SHKBP1: variants seen among roughly 807,000 people sequenced by gnomAD.
The protein encoded by SHKBP1 is SH3KBP1 binding protein 1.
In SHKBP1, 71 loss-of-function variants were observed where a neutral mutation model predicts 83.9. That is an observed-to-expected ratio of 0.85 (90% confidence interval 0.70 to 1.03). SHKBP1 has a LOEUF of 1.03. SHKBP1 is among the 50% of genes least tolerant of loss of function. The probability of loss-of-function intolerance (pLI) is 0.00; values close to 1 mark genes in which losing one functional copy is unlikely to be tolerated. For synonymous variants in SHKBP1, 371 were observed against 398.0 expected (o/e 0.93, Z 0.81); for missense variants, 824 against 982.4 (o/e 0.84, Z 2.16).
Position 40,583,685 on chromosome 19 carries a change from C to T in SHKBP1, c.1133C>T (p.Thr378Ile). ...CGGGACCCAGCGGAGGATGGGGTCACCGCCCTCAGTGTCTACCTCACCCCC... is the reference window on the plus strand; with the variant it reads ...CGGGACCCAGCGGAGGATGGGGTCATCGCCCTCAGTGTCTACCTCACCCCC... ...LYRDPAEDGV[T>I]ALSVYLTPKT... is the part of the protein sequence containing the mutation. The change falls in exon 12 of 18, where the codon ACC (threonine) becomes ATC (isoleucine). Residue 378 changes from threonine to isoleucine, a missense_variant. By Grantham distance (89) the Thr-to-Ile change is moderately conservative. Transcript: ENST00000291842. 1 of 1,613,966 alleles carries T rather than the reference C, an allele frequency of 6.2e-7. No homozygotes were observed. Among genetic ancestry groups the T allele is most frequent in the South Asian group, 1.1e-5 (1 of 91,076 alleles).
At position 40,590,099 on chromosome 19, in the gene SHKBP1, G is replaced by T; in HGVS notation, c.1590-145G>T. The T allele has an allele frequency of 1.1e-6, 1 of 904,408 alleles. No homozygotes were observed. The highest frequency in any genetic ancestry group is 1.6e-6 in the Non-Finnish European group (1 of 618,048). The allele number at this position is 904,408 out of a possible 1,614,324, so 56.0% of individuals were successfully genotyped here. On this transcript the variant is annotated intron_variant, in intron 15 of 17. Coordinates refer to ENST00000291842, the MANE Select transcript of SHKBP1 (RefSeq NM_138392.4). The surrounding 1 kb of genome is among the most constrained non-coding windows in gnomAD (Gnocchi z 4.6). ...GGTGTCCAAGAGCTGCTGGACCCTT[G>T]GGACTGGAACTCAAAAGCAGGCTAG...
At chr19:40,588,939 C>G (rs1470407014) in intron 14 of SHKBP1, 143 bp from the exon 15 acceptor site, 2 of 1,259,356 alleles carry the variant, frequency 1.6e-6, no homozygotes, top group African/African-American at 2.9e-5. Context: ...GCCACAACCC[C>G]CCAGCCCTCT....
intron 13 of SHKBP1, among the ~76,000 whole-genome samples, chr19:40,587,853 A>G (rs1010116493): frequency 6.6e-6 from 1 of 151,698 alleles, no homozygotes; most frequent in Non-Finnish European, 1.5e-5. Context: ...GCAATCAGCT[A>G]TGATTGCACC....
chr19:40,582,702 T>G (rs1325186092), intron 10 of SHKBP1, among the ~76,000 whole-genome samples: 1 of 149,492 alleles, frequency 6.7e-6, no homozygotes, highest in Non-Finnish European at 1.5e-5. Context: ...TGAAAAGGAG[T>G]AGGGAGGATT....
At chr19:40,577,070 C>T in intron 1 of SHKBP1, 85 bp downstream of exon 1, 1 of 1,295,306 alleles carries the variant, frequency 7.7e-7, no homozygotes, top group Non-Finnish European at 1.1e-6. Flanking sequence ...GAATCCCTGT[C>T]CATCAAGGGT....
In SHKBP1 at chr19:40,584,133, G is replaced by A. The variant is rs559566698; in HGVS notation, c.1165+416G>A. ...TGGGATTACAGACGTGAGCCACCGC[G>A]CCCAGCCAGATTCAACTCTCATCCA... On this transcript the variant is annotated intron_variant, in intron 12 of 17. Coordinates refer to ENST00000291842, the MANE Select transcript of SHKBP1 (RefSeq NM_138392.4). Among the ~76,000 whole-genome samples the A allele has an allele frequency of 3.9e-5, 6 of 152,166 alleles. No homozygotes were observed. In the South Asian group the frequency reaches 8.3e-4, roughly 21 times the overall value.
chr19:40,583,713 G>A lies in SHKBP1; in HGVS notation c.1161G>A (p.Lys387=). The change falls in exon 12 of 18, where the codon AAG becomes AAA. Residue 387 remains lysine, a synonymous_variant. Coordinates refer to ENST00000291842, the MANE Select transcript of SHKBP1 (RefSeq NM_138392.4). ...CCCTCAGTGTCTACCTCACCCCCAA[G>A]ACCAGTAAGCTATGACCCGGCTTCC... ...VTALSVYLTP[K]TSDSGNWIEI... is the part of the protein sequence containing the mutation. The A allele has an allele frequency of 6.2e-7, 1 of 1,613,248 alleles. No individual in the cohort carries two copies. The highest frequency in any genetic ancestry group is 8.5e-7 in the Non-Finnish European group (1 of 1,179,300).
In SHKBP1 at chr19:40,590,261, C is replaced by T. The variant is rs1162447649; in HGVS notation, c.1607C>T (p.Ser536Phe). 1 of 1,599,322 alleles carries T rather than the reference C, an allele frequency of 6.3e-7. No homozygotes were observed. Among genetic ancestry groups the T allele is most frequent in the Non-Finnish European group, 8.5e-7 (1 of 1,174,258 alleles). Reference sequence around the variant, plus strand: ...CCCCCCAGGGTGTGCTCCGTGCGCTCCGTGGACGGCTCACCCACGACAGCC... The same window carrying T: ...CCCCCCAGGGTGTGCTCCGTGCGCTTCGTGGACGGCTCACCCACGACAGCC... The part of the protein sequence containing the change: ...STGQRVCSVR[S>F]VDGSPTTAFT... Residue 536 changes from serine to phenylalanine, a missense_variant, in exon 16 of 18, where the codon TCC becomes TTC. By Grantham distance (155) the Ser-to-Phe change is radical. Transcript: ENST00000291842. The surrounding 1 kb of genome is among the most constrained non-coding windows in gnomAD (Gnocchi z 4.6).
intron 10 of SHKBP1, 139 bp from the exon 11 acceptor site, chr19:40,583,259 A>G: frequency 1.6e-6 from 1 of 638,122 alleles, no homozygotes; most frequent in Non-Finnish European, 2.7e-6. Flanking sequence ...GGACAAAGGC[A>G]GGCCTGGGGT....
chr19:40,578,624 T>G, intron 6 of SHKBP1, 82 bp downstream of exon 6: 1 of 1,271,212 alleles, frequency 7.9e-7, no homozygotes, highest in Non-Finnish European at 1.1e-6. Flanking sequence ...CTCGGGTGCC[T>G]GTGCTGTGCG....
chr19:40,577,017 T>C, intron 1 of SHKBP1, 32 bp downstream of exon 1: 1 of 1,420,956 alleles, frequency 7.0e-7, no homozygotes, highest in Non-Finnish European at 9.5e-7. Flanking sequence ...GGTCCCATCC[T>C]CGGGGGCGGG....
intron 9 of SHKBP1, 135 bp downstream of exon 9, chr19:40,581,071 C>A: frequency 2.3e-6 from 2 of 856,746 alleles, no homozygotes; most frequent in Non-Finnish European, 3.3e-6. Flanking sequence ...TTAGAATGCT[C>A]CAGCCCTTCA....
At chr19:40,580,302 C>G in intron 6 of SHKBP1, 22 bp from the exon 7 acceptor site, 1 of 1,601,074 alleles carries the variant, frequency 6.2e-7, no homozygotes, top group Non-Finnish European at 8.5e-7. Context: ...GACTGTTACT[C>G]TACCTCTTAT....
Position 40,583,585 on chromosome 19 carries a change from T to G in SHKBP1, c.1049-16T>G. 143 of 885,338 alleles carry G rather than the reference T, an allele frequency of 1.6e-4. No individual in the cohort carries two copies. Among genetic ancestry groups the G allele is most frequent in the Non-Finnish European group, 2.3e-4 (129 of 563,946 alleles). 54.8% of individuals were successfully genotyped at this position (885,338 alleles called of 1,614,324 possible). A position where few individuals can be genotyped will look rare whatever the true frequency, so the allele number is the denominator to read the frequency against. Reference sequence around the variant, plus strand: ...CACTTGGAACAAACCCGCTCCACCCTCCCTGCCCACCCCAGATGTGCAGAA... The same window carrying G: ...CACTTGGAACAAACCCGCTCCACCCGCCCTGCCCACCCCAGATGTGCAGAA... On this transcript the variant is annotated splice_polypyrimidine_tract_variant and intron_variant, in intron 11 of 17. Transcript: ENST00000291842.
rs775700990 is a variant in SHKBP1, at chr19:40,577,275, T to C, written c.131T>C (p.Phe44Ser). Residue 44 changes from phenylalanine (F) to serine (S), a missense_variant, in exon 2 of 18, where the codon TTC (phenylalanine) becomes TCC (serine). Phe to Ser is a radical substitution (Grantham distance 155, BLOSUM62 -2). Coordinates refer to ENST00000291842, the MANE Select transcript of SHKBP1 (RefSeq NM_138392.4). Reference protein sequence around the residue: ...RQTLTWIPDSFFSSLLSGRIS... With the variant: ...RQTLTWIPDSSFSSLLSGRIS... ...ACTCTCACCTGGATCCCAGACTCCT[T>C]CTTCTCCAGGTGATCGGGAGAGCGA... The C allele has an allele frequency of 3.7e-6, 6 of 1,613,826 alleles. No individual in the cohort carries two copies. The highest frequency in any genetic ancestry group is 5.1e-6 in the Non-Finnish European group (6 of 1,179,756).
In SHKBP1 at chr19:40,581,925, CT is replaced by C. The variant is rs58051153; in HGVS notation, c.845-413del. 2.7e-3 allele frequency among the ~76,000 whole-genome samples: 387 copies of C among 145,366 alleles called. 4 individuals are homozygous for C. Among genetic ancestry groups the C allele is most frequent in the African/African-American group, 7.8e-3 (307 of 39,552 alleles). ...TCTCTAATTCCTGCTGGAATCTTCA[CT>C]TTTTTTTTTTTTGAAATGGAGTCAT... On this transcript the variant is annotated intron_variant, in intron 9 of 17. Coordinates refer to ENST00000291842, the MANE Select transcript of SHKBP1 (RefSeq NM_138392.4).
At chr19:40,586,581 G>A in intron 12 of SHKBP1, 193 bp from the exon 13 acceptor site, 1 of 430,670 alleles carries the variant, frequency 2.3e-6, no homozygotes, top group Non-Finnish European at 4.0e-6. Context: ...TGGCCAGGCT[G>A]GTCTTGAACG....
chr19:40,581,238 C>T (rs112869246), intron 9 of SHKBP1, among the ~76,000 whole-genome samples: 1,952 of 152,248 alleles, frequency 0.013, 14 homozygotes, highest in Non-Finnish European at 0.018. Context: ...TGGCCCGGTG[C>T]GGTGGCTCAT....
chr19:40,590,907 G>C lies in SHKBP1; in HGVS notation c.1892+54G>C. The stretch of plus-strand genomic sequence containing the variant: ...GCAATGAGGGGAGAGGGGACAGCAT[G>C]GTGTTCCCGGGGACAGAGTGGCCCA... On this transcript the variant is annotated intron_variant, in intron 17 of 17. Coordinates refer to ENST00000291842, the MANE Select transcript of SHKBP1 (RefSeq NM_138392.4). This position sits in a 1 kb window ranked among gnomAD's most constrained non-coding sequence, Gnocchi z 4.6. The C allele has an allele frequency of 6.4e-7, 1 of 1,568,964 alleles. No individual in the cohort carries two copies. The highest frequency in any genetic ancestry group is 8.7e-7 in the Non-Finnish European group (1 of 1,149,110).
Sources: gnomAD v4.1 joint callset for allele counts (sites outside exome capture counted in the v4.1 genomes callset) on GRCh38, gnomAD v4.1.1 for gene constraint, Gnocchi (gnomAD v3.1) non-coding constraint, MANE v1.5 for transcripts, NCBI Gene and HGNC (gene_info 2026-07-23, HGNC 2026-07-21) for gene names.